The following ENAH variants were observed in gnomAD, a reference collection of about 807,000 sequenced individuals.
ENAH encodes protein enabled homolog.
ENAH carries 23 observed loss-of-function variants against 78.7 expected under a neutral mutation model. The ratio of observed to expected loss-of-function variants is 0.29; its 90% confidence interval spans 0.21 to 0.41. ENAH has a LOEUF of 0.41. Among genes scored for constraint, ENAH ranks in the 10% least tolerant of loss-of-function variants. ENAH has a pLI of 1.00. For missense variants in ENAH, 544 were observed against 691.0 expected (o/e 0.79, Z 2.39); for synonymous variants, 226 against 241.0 (o/e 0.94, Z 0.58).
intron 1 of ENAH, among the ~76,000 whole-genome samples, chr1:225,572,180 G>C (rs368542225): frequency 6.6e-6 from 1 of 152,024 alleles, no homozygotes; most frequent in East Asian, 1.9e-4. Context: ...ACACCCAGCT[G>C]GTGAAATCTC....
intron 1 of ENAH, among the ~76,000 whole-genome samples, chr1:225,615,847 G>C (rs951252014): frequency 1.3e-5 from 2 of 151,994 alleles, no homozygotes; most frequent in Non-Finnish European, 2.9e-5. Flanking sequence ...AGCTCATTGA[G>C]AACGGGCCAT....
chr1:225,651,448 G>T (rs1206074751), intron 1 of ENAH, among the ~76,000 whole-genome samples: 1 of 152,054 alleles, frequency 6.6e-6, no homozygotes, highest in African/African-American at 2.4e-5. Flanking sequence ...AATTGAGAAA[G>T]AATTCCAATG....
chr1:225,525,027 T>G (rs2096493895), intron 4 of ENAH, among the ~76,000 whole-genome samples: 1 of 152,210 alleles, frequency 6.6e-6, no homozygotes, highest in African/African-American at 2.4e-5. Context: ...CCAAATTATA[T>G]TATAAGACTT....
intron 3 of ENAH, among the ~76,000 whole-genome samples, chr1:225,542,955 G>A (rs1211676006): frequency 6.6e-6 from 1 of 151,740 alleles, no homozygotes; most frequent in Admixed American, 6.6e-5. Context: ...GGAATTCGAG[G>A]TTACAGTGAG....
intron 1 of ENAH, among the ~76,000 whole-genome samples, chr1:225,650,576 C>T (rs1341944586): frequency 2.6e-5 from 4 of 152,106 alleles, no homozygotes. Context: ...TTCGGCCAGG[C>T]ACCGTGGCTC....
At chr1:225,513,713 C>T (rs1280580221) in intron 7 of ENAH, among the ~76,000 whole-genome samples, 1 of 152,016 alleles carries the variant, frequency 6.6e-6, no homozygotes, top group Non-Finnish European at 1.5e-5. Flanking sequence ...ATGTGTAGGC[C>T]GGGTGCGATG....
At chr1:225,503,669 A>AAAAC (rs992566035) in intron 11 of ENAH, among the ~76,000 whole-genome samples, 9 of 149,678 alleles carry the variant, frequency 6.0e-5, no homozygotes, top group African/African-American at 1.7e-4. Context: ...AAAAAAAAAA[A>AAAAC]AAAAAAAAAC....
At chr1:225,501,807 A>C (rs2096283681) in intron 11 of ENAH, among the ~76,000 whole-genome samples, 1 of 152,202 alleles carries the variant, frequency 6.6e-6, no homozygotes, top group Non-Finnish European at 1.5e-5. Flanking sequence ...TTGCACTTTC[A>C]AAAGTTTAGT....
intron 1 of ENAH, among the ~76,000 whole-genome samples, chr1:225,608,343 T>C (rs58221350): frequency 0.078 from 11,829 of 150,960 alleles, 1,556 homozygotes; most frequent in African/African-American, 0.27. Context: ...GAAACAACTT[T>C]CTAAGCATTG....
chr1:225,620,882 G>A (rs1656725486), intron 1 of ENAH, among the ~76,000 whole-genome samples: 2 of 151,922 alleles, frequency 1.3e-5, no homozygotes. Context: ...GCGGGCGCCT[G>A]TATTCCCAGC....
At chr1:225,527,429 C>T (rs1049763725) in intron 4 of ENAH, among the ~76,000 whole-genome samples, 7 of 152,188 alleles carry the variant, frequency 4.6e-5, no homozygotes, top group African/African-American at 1.7e-4. Context: ...ATACATCCTT[C>T]CCGTTTGCTA....
intron 4 of ENAH, among the ~76,000 whole-genome samples, chr1:225,520,792 G>T (rs1394922827): frequency 6.6e-6 from 1 of 152,060 alleles, no homozygotes; most frequent in Non-Finnish European, 1.5e-5. Flanking sequence ...GGAGTCTGAG[G>T]CTACAGTAAG....
At chr1:225,636,031 A>G (rs1660000381) in intron 1 of ENAH, among the ~76,000 whole-genome samples, 1 of 152,210 alleles carries the variant, frequency 6.6e-6, no homozygotes, top group Non-Finnish European at 1.5e-5. Context: ...CAATTTTCAG[A>G]CTTACCAGCT....
intron 1 of ENAH, among the ~76,000 whole-genome samples, chr1:225,639,143 A>C (rs17569049): frequency 0.042 from 6,368 of 152,286 alleles, 216 homozygotes; most frequent in South Asian, 0.1. Context: ...ACTGAAAATG[A>C]TGAAAACTCT....
intron 3 of ENAH, among the ~76,000 whole-genome samples, chr1:225,551,120 A>G (rs1369676872): frequency 6.6e-6 from 1 of 152,182 alleles, no homozygotes; most frequent in East Asian, 1.9e-4. Context: ...CCATGGAGAA[A>G]GGAAAAAATA....
chr1:225,595,332 CA>C (rs887497643), intron 1 of ENAH, among the ~76,000 whole-genome samples: 2,541 of 130,242 alleles, frequency 0.02, 52 homozygotes, highest in African/African-American at 0.057. Context: ...GACTCTGTCT[CA>C]AAAAAAAAAA....
At chr1:225,577,638 G>C (rs539137214) in intron 1 of ENAH, among the ~76,000 whole-genome samples, 1 of 152,178 alleles carries the variant, frequency 6.6e-6, no homozygotes. Context: ...CATGTGCAAA[G>C]TACAAATGCA....
intron 1 of ENAH, among the ~76,000 whole-genome samples, chr1:225,644,235 A>T (rs897766033): frequency 6.6e-6 from 1 of 152,178 alleles, no homozygotes; most frequent in African/African-American, 2.4e-5. Flanking sequence ...GTACTACTTT[A>T]CAATGGAAGG....
chr1:225,595,136 C>G (rs2147935160), intron 1 of ENAH, among the ~76,000 whole-genome samples: 1 of 152,218 alleles, frequency 6.6e-6, no homozygotes, highest in African/African-American at 2.4e-5. Flanking sequence ...AGTTCGAGAC[C>G]AGCCTGACCA....
Sources: allele counts gnomAD v4.1 joint callset (sites outside exome capture counted in the v4.1 genomes callset), GRCh38; gene constraint gnomAD v4.1.1; transcripts MANE v1.5; gene names NCBI Gene and HGNC (gene_info 2026-07-23, HGNC 2026-07-21).